The following CNTNAP2 variants were observed in gnomAD, a reference collection of about 807,000 sequenced individuals.
CNTNAP2 encodes the protein contactin associated protein 2.
Under a neutral mutation model 155.2 loss-of-function variants are expected in CNTNAP2, and 98 were observed. That is an observed-to-expected ratio of 0.63 (90% CI 0.54 to 0.75). The LOEUF (loss-of-function observed/expected upper bound fraction) is 0.75. Among genes scored for constraint, CNTNAP2 ranks in the 30% least tolerant of loss-of-function variants. The pLI is 0.00. For synonymous variants in CNTNAP2, 651 were observed against 631.2 expected, an observed-to-expected ratio of 1.03 and a Z score of -0.47; for missense variants, 1,727 against 1,688.1, an observed-to-expected ratio of 1.02 and a Z score of -0.40.
At chr7:147,852,789 A>G (rs1312119082) in intron 13 of CNTNAP2, among the ~76,000 whole-genome samples, 2 of 152,110 alleles carry the variant, frequency 1.3e-5, no homozygotes, top group African/African-American at 2.4e-5. Context: ...TGAAACCTAG[A>G]CATTTTAGAT....
chr7:146,840,025 T>C, intron 3 of CNTNAP2, 121 bp downstream of exon 3: 3 of 1,188,352 alleles, frequency 2.5e-6, no homozygotes, highest in Non-Finnish European at 3.6e-6. Flanking sequence ...TGGGAAACTA[T>C]TTATTCATCA....
chr7:147,886,115 C>G (rs1482306060), intron 13 of CNTNAP2, among the ~76,000 whole-genome samples: 2 of 152,122 alleles, frequency 1.3e-5, no homozygotes, highest in African/African-American at 4.8e-5. Flanking sequence ...AGCCATGTGC[C>G]CCATTCCACA....
chr7:146,659,707 G>A (rs140772471), intron 1 of CNTNAP2, among the ~76,000 whole-genome samples: 3,469 of 152,266 alleles, frequency 0.023, 46 homozygotes, highest in Middle Eastern at 0.041. Context: ...TATTCATCAC[G>A]TCTTAATAAC....
chr7:146,169,301 T>C (rs1376650049), intron 1 of CNTNAP2, among the ~76,000 whole-genome samples: 1 of 152,184 alleles, frequency 6.6e-6, no homozygotes, highest in Non-Finnish European at 1.5e-5. Context: ...CAGAGGTATG[T>C]CAAGAATCTA....
At chr7:148,093,998 TCTGC>T (rs1803908520) in intron 15 of CNTNAP2, among the ~76,000 whole-genome samples, 1 of 152,190 alleles carries the variant, frequency 6.6e-6, no homozygotes, top group African/African-American at 2.4e-5. Flanking sequence ...GCTCAAGCGA[TCTGC>T]CTGCCTTGGC....
At chr7:146,551,528 C>T (rs1379359465) in intron 1 of CNTNAP2, among the ~76,000 whole-genome samples, 1 of 151,856 alleles carries the variant, frequency 6.6e-6, no homozygotes, top group East Asian at 1.9e-4. Context: ...TTTCTTAATC[C>T]AGTCTATCAT....
intron 11 of CNTNAP2, among the ~76,000 whole-genome samples, chr7:147,530,919 A>G (rs1196211652): frequency 6.6e-6 from 1 of 152,240 alleles, no homozygotes; most frequent in African/African-American, 2.4e-5. Flanking sequence ...CAATAGGATT[A>G]CAGGTTTTGG....
chr7:147,557,368 T>G (rs548134620), intron 11 of CNTNAP2, among the ~76,000 whole-genome samples: 82 of 152,330 alleles, frequency 5.4e-4, no homozygotes, highest in African/African-American at 1.6e-3. Flanking sequence ...ATAGCTGATA[T>G]TATGAATATA....
intron 20 of CNTNAP2, among the ~76,000 whole-genome samples, chr7:148,265,398 C>G (rs570116433): frequency 1.3e-5 from 2 of 152,078 alleles, no homozygotes; most frequent in South Asian, 4.2e-4. Context: ...CTCAGCCTCT[C>G]GAGTAGCTGT....
chr7:146,187,067 G>C (rs1286421857), intron 1 of CNTNAP2, among the ~76,000 whole-genome samples: 1 of 152,124 alleles, frequency 6.6e-6, no homozygotes, highest in Non-Finnish European at 1.5e-5. Context: ...TCTTAGTTTA[G>C]TCTCAAACTT....
At chr7:147,161,854 C>T (rs943109954) in intron 8 of CNTNAP2, 2 of 152,164 alleles carry the variant, frequency 1.3e-5, no homozygotes, top group Non-Finnish European at 2.9e-5. Context: ...AACTCTAATG[C>T]TGTTTCCATT....
intron 5 of CNTNAP2, among the ~76,000 whole-genome samples, chr7:147,113,324 C>T (rs990723607): frequency 2.6e-5 from 4 of 151,852 alleles, no homozygotes; most frequent in African/African-American, 9.7e-5. Flanking sequence ...TTATTTGAAT[C>T]GTCTCTCTTT....
At chr7:148,381,086 G>A (rs1381581902) in intron 21 of CNTNAP2, among the ~76,000 whole-genome samples, 1 of 152,252 alleles carries the variant, frequency 6.6e-6, no homozygotes, top group Non-Finnish European at 1.5e-5. Context: ...GCCAGGGTGA[G>A]CGCTTTTGAG....
At chr7:147,369,127 A>C (rs1796296643) in intron 9 of CNTNAP2, among the ~76,000 whole-genome samples, 1 of 152,234 alleles carries the variant, frequency 6.6e-6, no homozygotes, top group South Asian at 2.1e-4. Flanking sequence ...ATACTTTATA[A>C]CCAGGTTATT....
chr7:147,470,147 G>A (rs1798191382), intron 10 of CNTNAP2, among the ~76,000 whole-genome samples: 1 of 152,184 alleles, frequency 6.6e-6, no homozygotes, highest in African/African-American at 2.4e-5. Flanking sequence ...GACTTTTAAA[G>A]GATCAGCCTG....
intron 12 of CNTNAP2, among the ~76,000 whole-genome samples, chr7:147,637,984 A>G (rs938202376): frequency 2.0e-5 from 3 of 152,222 alleles, no homozygotes; most frequent in Non-Finnish European, 4.4e-5. Context: ...AAGAAAGGCC[A>G]AAGGCTTGAT....
At chr7:146,527,393 T>C (rs2129138439) in intron 1 of CNTNAP2, among the ~76,000 whole-genome samples, 1 of 152,308 alleles carries the variant, frequency 6.6e-6, no homozygotes, top group South Asian at 2.1e-4. Flanking sequence ...AGGCATTTTC[T>C]CATTTTTTGA....
At chr7:146,352,915 C>T (rs1283239704) in intron 1 of CNTNAP2, among the ~76,000 whole-genome samples, 15 of 151,540 alleles carry the variant, frequency 9.9e-5, no homozygotes, top group Admixed American at 3.3e-4. Context: ...CCACCACGCC[C>T]GGCTAATTTT....
At chr7:147,436,997 A>G (rs1200890620) in intron 10 of CNTNAP2, among the ~76,000 whole-genome samples, 1 of 152,058 alleles carries the variant, frequency 6.6e-6, no homozygotes, top group African/African-American at 2.4e-5. Context: ...TGCTTTAAGA[A>G]AGGGAAGTTA....
Sources: gnomAD v4.1 joint callset for allele counts (sites outside exome capture counted in the v4.1 genomes callset) on GRCh38, gnomAD v4.1.1 for gene constraint, MANE v1.5 for transcripts, NCBI Gene and HGNC (gene_info 2026-07-23, HGNC 2026-07-21) for gene names.